MAPK11: variants seen among roughly 807,000 people sequenced by gnomAD.
MAPK11 encodes mitogen-activated protein kinase 11.
A neutral mutation model predicts 52.2 loss-of-function variants in MAPK11; 44 were observed. The ratio of observed to expected loss-of-function variants is 0.84; its 90% CI spans 0.66 to 1.08. The LOEUF is 1.08. Ranked by LOEUF, MAPK11 falls within the 50% of genes least tolerant of loss-of-function variation. The pLI is 0.00. For synonymous variants in MAPK11, 233 were observed against 206.3 expected, an observed-to-expected ratio of 1.13 and a Z score of -1.11; for missense variants, 436 against 494.7, an observed-to-expected ratio of 0.88 and a Z score of 1.13.
chr22:50,268,018 C>T, intron 1 of MAPK11, 69 bp from the exon 2 acceptor site: 1 of 1,376,248 alleles, frequency 7.3e-7, no homozygotes, highest in Non-Finnish European at 9.4e-7. Flanking sequence ...TGGACCCGGG[C>T]GGCGTCCCTC....
chr22:50,265,119 C>T, intron 11 of MAPK11, 92 bp from the exon 12 acceptor site: 1 of 1,255,648 alleles, frequency 8.0e-7, no homozygotes, highest in Non-Finnish European at 1.1e-6. Context: ...CCAGGCCCAC[C>T]ACCCTGTGAC....
intron 2 of MAPK11, 37 bp from the exon 3 acceptor site, chr22:50,267,664 C>T: frequency 1.3e-6 from 2 of 1,506,898 alleles, no homozygotes; most frequent in East Asian, 2.5e-5. Context: ...GGCGACGAAC[C>T]CCCGGCTGTC....
In MAPK11 at chr22:50,267,475, C is replaced by T; in HGVS notation, c.313G>A (p.Val105Met). The stretch of plus-strand genomic sequence containing the variant: ...AGGTCGGCGCCCATCAGGGTGGTCA[C>T]CAAGTACCTGGGGCGGGGTCAGGGG... Reference protein sequence around the residue: ...SIEDFSEVYLVTTLMGADLNN... With the variant: ...SIEDFSEVYLMTTLMGADLNN... Residue 105 changes from valine to methionine, a missense_variant, in exon 4 of 12, where the codon GTG becomes ATG. By Grantham distance (21) the Val-to-Met change is conservative (BLOSUM62 1). Transcript: ENST00000330651. 1 of 1,606,188 alleles carries T rather than the reference C, an allele frequency of 6.2e-7. No individual in the cohort carries two copies. The highest frequency in any genetic ancestry group is 8.5e-7 in the Non-Finnish European group (1 of 1,176,978).
intron 1 of MAPK11, among the ~76,000 whole-genome samples, chr22:50,269,417 G>A (rs1247203545): frequency 6.6e-6 from 1 of 152,228 alleles, no homozygotes; most frequent in African/African-American, 2.4e-5. Context: ...CCAGTGGGCA[G>A]CAGCTAAGCG....
intron 1 of MAPK11, among the ~76,000 whole-genome samples, chr22:50,268,791 C>A (rs2065286192): frequency 6.6e-6 from 1 of 152,200 alleles, no homozygotes; most frequent in African/African-American, 2.4e-5. Flanking sequence ...CCCATGCCCA[C>A]ACAAGGGGAG....
Position 50,264,635 on chromosome 22 carries a change from G to A in MAPK11, c.*313C>T, listed in dbSNP as rs2065247771. The A allele has an allele frequency of 1.1e-5, 3 of 276,896 alleles. No individual in the cohort carries two copies. Among genetic ancestry groups the A allele is most frequent in the Non-Finnish European group, 2.1e-5 (3 of 144,024 alleles). 17.2% of individuals were successfully genotyped at this position (276,896 alleles called of 1,614,324 possible). A position where few individuals can be genotyped will look rare whatever the true frequency, so the allele number is the denominator to read the frequency against. On this transcript the variant is annotated 3_prime_UTR_variant, in exon 12 of 12. Transcript: ENST00000330651. ...GGCCTGGGACAGACAGGGGAACTCCGCAGGGGAACCCCTTTGGCATCTAGG... is the reference window on the plus strand; with the variant it reads ...GGCCTGGGACAGACAGGGGAACTCCACAGGGGAACCCCTTTGGCATCTAGG...
chr22:50,268,767 G>A (rs1841642396), intron 1 of MAPK11, among the ~76,000 whole-genome samples: 1 of 152,216 alleles, frequency 6.6e-6, no homozygotes, highest in Admixed American at 6.5e-5. Context: ...AGCAAGTGGA[G>A]GCTGAGGCCA....
rs748406354 is a variant in MAPK11, at chr22:50,270,263, C to A, written c.30G>T (p.Arg10=). 9 of 1,435,034 alleles carry A rather than the reference C, an allele frequency of 6.3e-6. No homozygotes were observed. Among genetic ancestry groups the A allele is most frequent in the African/African-American group, 1.5e-5 (1 of 67,838 alleles). The allele number at this position is 1,435,034 out of a possible 1,614,324, so 88.9% of individuals were successfully genotyped here. Reference sequence around the variant, plus strand: ...CCCACACGGTCTTGTTCAGCTCCTGCCGGTAGAAGCCGGCGCGAGGGCCCG... The same window carrying A: ...CCCACACGGTCTTGTTCAGCTCCTGACGGTAGAAGCCGGCGCGAGGGCCCG... MSGPRAGFY[R]QELNKTVWEV... The change falls in exon 1 of 12, where the codon CGG becomes CGT. Residue 10 remains arginine (R), a synonymous_variant. Transcript: ENST00000330651. This position sits in a 1 kb window ranked among gnomAD's most constrained non-coding sequence, Gnocchi z 6.3.
At position 50,270,231 on chromosome 22, in the gene MAPK11, G is replaced by A; in HGVS notation, c.62C>T (p.Pro21Leu). ...QELNKTVWEV[P>L]QRLQGLRPVG... ...CGGGCGCAGCCCCTGCAGCCGCTGC[G>A]GCACCTCCCACACGGTCTTGTTCAG... The change falls in exon 1 of 12, where the codon CCG becomes CTG. Residue 21 changes from proline to leucine, a missense_variant. By Grantham distance (98) the Pro-to-Leu change is moderately conservative (BLOSUM62 -3). Coordinates refer to ENST00000330651, the MANE Select transcript of MAPK11 (RefSeq NM_002751.7). This position sits in a 1 kb window ranked among gnomAD's most constrained non-coding sequence, Gnocchi z 6.3. The A allele has an allele frequency of 3.3e-6, 5 of 1,509,298 alleles. No homozygotes were observed. The highest frequency in any genetic ancestry group is 4.4e-6 in the Non-Finnish European group (5 of 1,134,878). 93.5% of individuals were successfully genotyped at this position (1,509,298 alleles called of 1,614,324 possible).
intron 1 of MAPK11, among the ~76,000 whole-genome samples, chr22:50,269,926 C>T (rs2065294699): frequency 6.6e-6 from 1 of 152,166 alleles, no homozygotes; most frequent in Non-Finnish European, 1.5e-5. Flanking sequence ...AGGCCTCAGG[C>T]CTGGTGGGGA....
At position 50,270,295 on chromosome 22, in the gene MAPK11, C is replaced by G; in HGVS notation, c.-3G>C. On this transcript the variant is annotated 5_prime_UTR_variant, in exon 1 of 12. Coordinates refer to ENST00000330651, the MANE Select transcript of MAPK11 (RefSeq NM_002751.7). The surrounding 1 kb of genome is among the most constrained non-coding windows in gnomAD (Gnocchi z 6.3). ...AAGCCGGCGCGAGGGCCCGACATGT[C>G]CGGAGCAGCCGCCGCTCCGCCCGGG... 7.7e-7 allele frequency: 1 copy of G among 1,299,310 alleles called. No individual in the cohort carries two copies. The highest frequency in any genetic ancestry group is 9.8e-7 in the Non-Finnish European group (1 of 1,016,138). The allele number at this position is 1,299,310 out of a possible 1,614,324, so 80.5% of individuals were successfully genotyped here. A position where few individuals can be genotyped will look rare whatever the true frequency, so the allele number is the denominator to read the frequency against.
chr22:50,267,042 C>T lies in MAPK11; in HGVS notation c.502G>A (p.Asp168Asn), dbSNP rs1450470450. ...VNEDCELRIL[D>N]FGLARQADEE... ...TCCGCCTGGCGCGCCAGCCCAAAAT[C>T]CAGGATCTGGGGCGACCACGTGGTG... Residue 168 changes from aspartate (D) to asparagine (N), a missense_variant, in exon 7 of 12, where the codon GAT becomes AAT. Physicochemically the swap from Asp to Asn is conservative, Grantham distance 23. Coordinates refer to ENST00000330651, the MANE Select transcript of MAPK11 (RefSeq NM_002751.7). The T allele has an allele frequency of 1.9e-6, 3 of 1,612,076 alleles. No individual in the cohort carries two copies. The highest frequency in any genetic ancestry group is 2.2e-5 in the South Asian group (2 of 91,046).
Position 50,264,015 on chromosome 22 carries a change from G to A in MAPK11, c.*933C>T, listed in dbSNP as rs1181789934. ...TCCGAGTCCAAGTCCACATCCAGGTGTGCTGCCTGCCCTAGCGTCCTCAAG... is the reference window on the plus strand; with the variant it reads ...TCCGAGTCCAAGTCCACATCCAGGTATGCTGCCTGCCCTAGCGTCCTCAAG... On this transcript the variant is annotated 3_prime_UTR_variant, in exon 12 of 12. Coordinates refer to ENST00000330651, the MANE Select transcript of MAPK11 (RefSeq NM_002751.7). The A allele has an allele frequency of 6.6e-6, 1 of 152,428 alleles. No individual in the cohort carries two copies. Among genetic ancestry groups the A allele is most frequent in the African/African-American group, 2.4e-5 (1 of 41,436 alleles). 9.4% of individuals were successfully genotyped at this position (152,428 alleles called of 1,614,324 possible).
At position 50,266,989 on chromosome 22, in the gene MAPK11, C is replaced by T. The variant is rs762123331; in HGVS notation, c.555G>A (p.Thr185=). 1.4e-5 allele frequency: 22 copies of T among 1,612,456 alleles called. No homozygotes were observed. The highest frequency in any genetic ancestry group is 1.7e-5 in the Non-Finnish European group (20 of 1,179,984). Residue 185 remains threonine (T), a synonymous_variant, in exon 7 of 12, where the codon ACG becomes ACA. Transcript: ENST00000330651. The stretch of plus-strand genomic sequence containing the variant: ...TGATCTCAGGTGCCCGGTACCAGCG[C>T]GTGGCCACATAGCCGGTCATCTCCT... ...ADEEMTGYVA[T]RWYRAPEIML...
At position 50,270,209 on chromosome 22, in the gene MAPK11, G is replaced by C; in HGVS notation, c.84C>G (p.Arg28=). ...AGCCGTAGGCGCCGGAGCCCACCGG[G>C]CGCAGCCCCTGCAGCCGCTGCGGCA... ...WEVPQRLQGL[R]PVGSGAYGSV... is the part of the protein sequence containing the mutation. The change falls in exon 1 of 12, where the codon CGC becomes CGG. Residue 28 remains arginine (R), a synonymous_variant. Coordinates refer to ENST00000330651, the MANE Select transcript of MAPK11 (RefSeq NM_002751.7). The surrounding 1 kb of genome is among the most constrained non-coding windows in gnomAD (Gnocchi z 6.3). 1 of 1,502,106 alleles carries C rather than the reference G, an allele frequency of 6.7e-7. No homozygotes were observed. Among genetic ancestry groups the C allele is most frequent in the Non-Finnish European group, 8.8e-7 (1 of 1,131,902 alleles). The allele number at this position is 1,502,106 out of a possible 1,614,324, so 93.0% of individuals were successfully genotyped here. A position where few individuals can be genotyped will look rare whatever the true frequency, so the allele number is the denominator to read the frequency against.
Position 50,265,568 on chromosome 22 carries a change from A to G in MAPK11, c.841+14T>C. 1 of 1,612,114 alleles carries G rather than the reference A, an allele frequency of 6.2e-7. No individual in the cohort carries two copies. Among genetic ancestry groups the G allele is most frequent in the Non-Finnish European group, 8.5e-7 (1 of 1,179,346 alleles). ...CCAGATATGGAGCCCAGTCTAGCCC[A>G]GGGCAGTCCTCACCCAGGGGGTTGG... On this transcript the variant is annotated intron_variant, in intron 10 of 11. Transcript: ENST00000330651.
At position 50,264,825 on chromosome 22, in the gene MAPK11, T is replaced by A; in HGVS notation, c.*123A>T. The A allele has an allele frequency of 1.7e-6, 1 of 591,428 alleles. No individual in the cohort carries two copies. The highest frequency in any genetic ancestry group is 2.8e-6 in the Non-Finnish European group (1 of 354,736). 36.6% of individuals were successfully genotyped at this position (591,428 alleles called of 1,614,324 possible). A position where few individuals can be genotyped will look rare whatever the true frequency, so the allele number is the denominator to read the frequency against. ...TGTAGATTCTCCTGAAGGCGAGGGG[T>A]CCTAGGCCAGAAGTCTGTGACCATA... On this transcript the variant is annotated 3_prime_UTR_variant, in exon 12 of 12. Transcript: ENST00000330651.
In MAPK11 at chr22:50,267,192, C is replaced by T. The variant is rs1422696645; in HGVS notation, c.448-18G>A. ...TTCAGGTCCTGCAGGTCACGCGGAG[C>T]GTGAGCACAGGAGGCTGGGACGGAG... On this transcript the variant is annotated intron_variant, in intron 5 of 11. Coordinates refer to ENST00000330651, the MANE Select transcript of MAPK11 (RefSeq NM_002751.7). 6.2e-7 allele frequency: 1 copy of T among 1,610,976 alleles called. No homozygotes were observed. Among genetic ancestry groups the T allele is most frequent in the South Asian group, 1.1e-5 (1 of 90,826 alleles).
intron 9 of MAPK11, among the ~76,000 whole-genome samples, chr22:50,265,876 T>TCCCCCCAGC: frequency 7.2e-6 from 1 of 138,548 alleles, no homozygotes; most frequent in African/African-American, 3.1e-5. Flanking sequence ...GTACACTCCC[T>TCCCCCCAGC]CCACCCAGCC....
Sources: gnomAD v4.1 joint callset for allele counts (sites outside exome capture counted in the v4.1 genomes callset) on GRCh38, gnomAD v4.1.1 for gene constraint, Gnocchi (gnomAD v3.1) non-coding constraint, MANE v1.5 for transcripts, NCBI Gene and HGNC (gene_info 2026-07-23, HGNC 2026-07-21) for gene names.